The following PDE4D variants were observed in gnomAD, a reference collection of about 807,000 sequenced individuals.
PDE4D encodes 3',5'-cyclic-AMP phosphodiesterase 4D.
PDE4D carries 24 observed loss-of-function variants against 87.4 expected under a neutral mutation model. That is an observed-to-expected ratio of 0.27 (90% CI 0.20 to 0.39). The LOEUF (loss-of-function observed/expected upper bound fraction) is 0.39, where lower values mean the gene tolerates loss of function less well. Ranked by LOEUF, PDE4D falls within the 10% of genes least tolerant of loss-of-function variation. The pLI, the probability that PDE4D is intolerant of heterozygous loss-of-function variation, is 1.00. For synonymous variants in PDE4D, 384 were observed against 383.2 expected (o/e 1.00, Z -0.02); for missense variants, 714 against 1,041.0 (o/e 0.69, Z 4.32).
At chr5:59,298,248 T>TG (rs1769479586) in intron 1 of PDE4D, among the ~76,000 whole-genome samples, 1 of 151,642 alleles carries the variant, frequency 6.6e-6, no homozygotes, top group Non-Finnish European at 1.5e-5. Context: ...GCCAAGTGGC[T>TG]GGGATTACAG....
At chr5:59,187,635 C>T (rs1180599305) in intron 3 of PDE4D, among the ~76,000 whole-genome samples, 1 of 152,200 alleles carries the variant, frequency 6.6e-6, no homozygotes, top group Non-Finnish European at 1.5e-5. Flanking sequence ...AGACAATCAG[C>T]TGCCTGGCCA....
chr5:60,290,376 T>C (rs1752788134), intron 1 of PDE4D, among the ~76,000 whole-genome samples: 4 of 151,998 alleles, frequency 2.6e-5, no homozygotes, highest in Admixed American at 2.6e-4. Flanking sequence ...AAGAAATTAA[T>C]GTGTGATAAA....
intron 11 of PDE4D, among the ~76,000 whole-genome samples, chr5:58,978,495 T>C (rs1744346028): frequency 6.6e-6 from 1 of 151,896 alleles, no homozygotes; most frequent in South Asian, 2.1e-4. Flanking sequence ...AGAAAATATA[T>C]AACGAATGCA....
chr5:60,428,266 T>C (rs572905502), intron 1 of PDE4D, among the ~76,000 whole-genome samples: 2 of 151,476 alleles, frequency 1.3e-5, no homozygotes, highest in African/African-American at 2.4e-5. Flanking sequence ...AAAAGGAAGA[T>C]AAATGATAAA....
intron 2 of PDE4D, among the ~76,000 whole-genome samples, chr5:59,207,610 A>G (rs2153500948): frequency 6.6e-6 from 1 of 152,264 alleles, no homozygotes; most frequent in South Asian, 2.1e-4. Flanking sequence ...ACTGAGGCCA[A>G]TTCTGAGTTT....
intron 5 of PDE4D, among the ~76,000 whole-genome samples, chr5:59,077,374 C>A (rs1373449649): frequency 1.3e-5 from 2 of 151,946 alleles, no homozygotes; most frequent in Non-Finnish European, 2.9e-5. Flanking sequence ...ACTCTTATTT[C>A]TCCATAATTT....
chr5:59,944,929 C>T (rs1757577352), intron 3 of PDE4D, among the ~76,000 whole-genome samples: 1 of 152,052 alleles, frequency 6.6e-6, no homozygotes, highest in Non-Finnish European at 1.5e-5. Context: ...TGTTTAAACC[C>T]AAATCTCACA....
chr5:60,203,160 C>T (rs1343394744), intron 1 of PDE4D, among the ~76,000 whole-genome samples: 2 of 152,016 alleles, frequency 1.3e-5, no homozygotes, highest in Non-Finnish European at 2.9e-5. Flanking sequence ...TTAGTAGAGA[C>T]GGGTTTCATC....
chr5:60,317,804 G>A (rs1257246836), intron 1 of PDE4D, among the ~76,000 whole-genome samples: 2 of 152,224 alleles, frequency 1.3e-5, no homozygotes, highest in African/African-American at 4.8e-5. Context: ...AGTTTTGAGT[G>A]AGTTTCTTAA....
At chr5:59,220,267 G>A (rs1449552099) in intron 1 of PDE4D, among the ~76,000 whole-genome samples, 3 of 149,912 alleles carry the variant, frequency 2.0e-5, no homozygotes, top group East Asian at 2.1e-4. Flanking sequence ...CTGTAATCCC[G>A]ACACTTTAGA....
intron 1 of PDE4D, among the ~76,000 whole-genome samples, chr5:59,480,321 A>T (rs1284082318): frequency 1.3e-5 from 2 of 152,148 alleles, no homozygotes; most frequent in African/African-American, 4.8e-5. Context: ...GTTCATATAC[A>T]TGGAAAGTAT....
chr5:59,539,027 A>G (rs1006265468), intron 1 of PDE4D, among the ~76,000 whole-genome samples: 2 of 152,172 alleles, frequency 1.3e-5, no homozygotes, highest in African/African-American at 4.8e-5. Flanking sequence ...AAAATCAAGG[A>G]TGACTGCTTG....
At chr5:59,865,706 G>A (rs1317003815) in intron 1 of PDE4D, among the ~76,000 whole-genome samples, 1 of 152,136 alleles carries the variant, frequency 6.6e-6, no homozygotes, top group East Asian at 1.9e-4. Context: ...TCAGATAGTG[G>A]TCATTTACTA....
intron 1 of PDE4D, among the ~76,000 whole-genome samples, chr5:59,563,420 A>T (rs1437154391): frequency 6.6e-6 from 1 of 152,262 alleles, no homozygotes; most frequent in Non-Finnish European, 1.5e-5. Flanking sequence ...ACAGTAGCCC[A>T]TGGAAAGATA....
chr5:59,334,439 A>G (rs35263), intron 1 of PDE4D, among the ~76,000 whole-genome samples: 65,977 of 150,966 alleles, frequency 0.44, 14,571 homozygotes, highest in South Asian at 0.53. Flanking sequence ...TTGTATTTTT[A>G]TAGAGATGGG....
At chr5:59,761,023 T>C (rs1478965473) in intron 1 of PDE4D, among the ~76,000 whole-genome samples, 1 of 152,214 alleles carries the variant, frequency 6.6e-6, no homozygotes, top group Non-Finnish European at 1.5e-5. Context: ...TGTGCAGACA[T>C]GTTAGAGTGT....
chr5:59,634,654 C>T (rs936099840), intron 1 of PDE4D, among the ~76,000 whole-genome samples: 14 of 152,142 alleles, frequency 9.2e-5, no homozygotes, highest in African/African-American at 2.2e-4. Flanking sequence ...AATAACGAAA[C>T]AAAGGCAGAA....
intron 2 of PDE4D, among the ~76,000 whole-genome samples, chr5:60,071,238 TTAGTC>T (rs1234310632): frequency 6.6e-6 from 1 of 152,000 alleles, no homozygotes; most frequent in African/African-American, 2.4e-5. Context: ...TAATTTGGCC[TTAGTC>T]TGTTGTTATT....
chr5:59,594,004 G>A (rs2153704138), intron 1 of PDE4D, among the ~76,000 whole-genome samples: 1 of 152,066 alleles, frequency 6.6e-6, no homozygotes, highest in South Asian at 2.1e-4. Context: ...GGGGTTTTTT[G>A]TTCCATTTTG....
Sources: gnomAD v4.1 joint callset for allele counts (sites outside exome capture counted in the v4.1 genomes callset) on GRCh38, gnomAD v4.1.1 for gene constraint, MANE v1.5 for transcripts, NCBI Gene and HGNC (gene_info 2026-07-23, HGNC 2026-07-21) for gene names.